AAK1: variants seen among roughly 807,000 people sequenced by gnomAD.
AAK1 encodes the protein AP2 associated kinase 1.
Under a neutral mutation model 116.0 loss-of-function variants are expected in AAK1, and 37 were observed. The ratio of observed to expected loss-of-function variants is 0.32; its 90% confidence interval spans 0.25 to 0.42. The LOEUF is 0.42. Ranked by LOEUF, AAK1 falls within the 10% of genes least tolerant of loss-of-function variation. The probability of loss-of-function intolerance (pLI) is 1.00; values close to 1 mark genes in which losing one functional copy is unlikely to be tolerated. For missense variants in AAK1, 919 were observed against 1,170.6 expected, an observed-to-expected ratio of 0.79 and a Z score of 3.14; for synonymous variants, 458 against 439.9, an observed-to-expected ratio of 1.04 and a Z score of -0.51.
chr2:69,584,578 C>G (rs558990824), intron 2 of AAK1, among the ~76,000 whole-genome samples: 14 of 152,272 alleles, frequency 9.2e-5, no homozygotes, highest in South Asian at 2.1e-4. Flanking sequence ...CCCAGTTGCA[C>G]TGGTTCTAAT....
At chr2:69,476,014 T>G in intron 21 of AAK1, 51 bp from the exon 22 acceptor site, 5 of 1,565,630 alleles carry the variant, frequency 3.2e-6, no homozygotes, top group Non-Finnish European at 4.3e-6. Context: ...GGTTAAGGTT[T>G]AGATGTGCAG....
chr2:69,603,479 G>T (rs913359319), intron 2 of AAK1, among the ~76,000 whole-genome samples: 1 of 151,930 alleles, frequency 6.6e-6, no homozygotes, highest in Non-Finnish European at 1.5e-5. Flanking sequence ...TCACACTATC[G>T]CCTCCCTTTC....
In AAK1 at chr2:69,467,743, G is replaced by C. The variant is rs374657406; in HGVS notation, c.*8126C>G. On this transcript the variant is annotated 3_prime_UTR_variant, in exon 22 of 22. Coordinates refer to ENST00000409085, the MANE Select transcript of AAK1 (RefSeq NM_014911.5). ...AAATTTCTGCCAAAAATTATCCCCT[G>C]CTAAAGTTTCTGCATGAATTAAGCA... The C allele has an allele frequency of 2.0e-6, 2 of 985,356 alleles. No homozygotes were observed. The highest frequency in any genetic ancestry group is 3.5e-5 in the African/African-American group (2 of 57,316). The allele number at this position is 985,356 out of a possible 1,614,324, so 61.0% of individuals were successfully genotyped here.
rs546540721 is a variant in AAK1 at position 69,473,127 on chromosome 2, C to A, written c.*2742G>T. The A allele has an allele frequency of 1.2e-6, 1 of 839,346 alleles. No homozygotes were observed. Among genetic ancestry groups the A allele is most frequent in the Non-Finnish European group, 1.4e-6 (1 of 696,972 alleles). The allele number at this position is 839,346 out of a possible 1,614,324, so 52.0% of individuals were successfully genotyped here. A position where few individuals can be genotyped will look rare whatever the true frequency, so the allele number is the denominator to read the frequency against. The stretch of plus-strand genomic sequence containing the variant: ...ATCGTATAACTCTAAGGAACAGCAA[C>A]TCTGAGAGGTGAAGTGCCTGCTGAA... On this transcript the variant is annotated 3_prime_UTR_variant, in exon 22 of 22. Coordinates refer to ENST00000409085, the MANE Select transcript of AAK1 (RefSeq NM_014911.5).
intron 16 of AAK1, 43 bp downstream of exon 16, chr2:69,505,526 T>A (rs1676151020): frequency 6.5e-7 from 1 of 1,539,886 alleles, no homozygotes; most frequent in African/African-American, 1.4e-5. Flanking sequence ...AGTGTGAAGG[T>A]AACAACAGTG....
intron 2 of AAK1, among the ~76,000 whole-genome samples, chr2:69,632,926 G>A (rs1027694536): frequency 6.6e-6 from 1 of 151,430 alleles, no homozygotes; most frequent in Admixed American, 6.6e-5. Flanking sequence ...CCAGCTACTC[G>A]GGAGGCTGAG....
In AAK1 at chr2:69,459,290, GT is replaced by G. The variant is rs1316107915; in HGVS notation, c.*16578del. The G allele has an allele frequency of 2.6e-5, 4 of 152,152 alleles. No individual in the cohort carries two copies. Among genetic ancestry groups the G allele is most frequent in the Admixed American group, 6.6e-5 (1 of 15,258 alleles). 9.4% of individuals were successfully genotyped at this position (152,152 alleles called of 1,614,324 possible). A position where few individuals can be genotyped will look rare whatever the true frequency, so the allele number is the denominator to read the frequency against. On this transcript the variant is annotated 3_prime_UTR_variant, in exon 22 of 22. Coordinates refer to ENST00000409085, the MANE Select transcript of AAK1 (RefSeq NM_014911.5). ...GTTTGTTTTGTTTTTTTGAGACAGG[GT>G]CTGGCTCTATTGCCTGGGCTGGAGT... is the stretch of plus-strand genomic sequence containing the variant.
At position 69,490,891 on chromosome 2, in the gene AAK1, A is replaced by G. The variant is rs577193332; in HGVS notation, c.2365+5094T>C. On this transcript the variant is annotated intron_variant, in intron 17 of 21. Transcript: ENST00000409085. ...CCCCAGTTTTCAGAGAAAATTCCTCAATCTTTCTAAAATATATCTATGTGT... is the reference window on the plus strand; with the variant it reads ...CCCCAGTTTTCAGAGAAAATTCCTCGATCTTTCTAAAATATATCTATGTGT... Among the ~76,000 whole-genome samples, 3 of 151,594 alleles carry G rather than the reference A, an allele frequency of 2.0e-5. No homozygotes were observed. In the East Asian group the frequency reaches 5.9e-4, roughly 30 times the overall value.
chr2:69,567,322 T>C (rs1041893959), intron 2 of AAK1, among the ~76,000 whole-genome samples: 1 of 152,172 alleles, frequency 6.6e-6, no homozygotes, highest in Admixed American at 6.5e-5. Context: ...TTAAGTTCTT[T>C]GGTATACACA....
At chr2:69,606,100 T>C (rs557899565) in intron 2 of AAK1, among the ~76,000 whole-genome samples, 1 of 152,310 alleles carries the variant, frequency 6.6e-6, no homozygotes, top group African/African-American at 2.4e-5. Context: ...CTTCTCTCCC[T>C]GCTTGTTCAC....
intron 9 of AAK1, among the ~76,000 whole-genome samples, chr2:69,525,723 C>A (rs1394532300): frequency 1.3e-5 from 2 of 152,160 alleles, no homozygotes; most frequent in African/African-American, 4.8e-5. Flanking sequence ...GAGGGAGCAC[C>A]AACTAGCTGT....
intron 11 of AAK1, among the ~76,000 whole-genome samples, chr2:69,519,457 A>G (rs1669659329): frequency 6.6e-6 from 1 of 152,208 alleles, no homozygotes; most frequent in Non-Finnish European, 1.5e-5. Flanking sequence ...ACAAGGTTCA[A>G]TATTGCCTCC....
rs1177904394 is a variant in AAK1 at position 69,474,554 on chromosome 2, G to A, written c.*1315C>T. 2 of 984,778 alleles carry A rather than the reference G, an allele frequency of 2.0e-6. No homozygotes were observed. Among genetic ancestry groups the A allele is most frequent in the African/African-American group, 1.8e-5 (1 of 57,050 alleles). 61.0% of individuals were successfully genotyped at this position (984,778 alleles called of 1,614,324 possible). On this transcript the variant is annotated 3_prime_UTR_variant, in exon 22 of 22. Coordinates refer to ENST00000409085, the MANE Select transcript of AAK1 (RefSeq NM_014911.5). ...GCTTTATTATTTTTTTTTAATCTAGGAAGCCAAGGAAAACCAGCTGAACAT... is the reference window on the plus strand; with the variant it reads ...GCTTTATTATTTTTTTTTAATCTAGAAAGCCAAGGAAAACCAGCTGAACAT...
intron 9 of AAK1, among the ~76,000 whole-genome samples, chr2:69,526,559 C>A (rs1188297741): frequency 5.3e-5 from 8 of 152,166 alleles, no homozygotes; most frequent in African/African-American, 1.4e-4. Flanking sequence ...CCATCCTCCT[C>A]GGCCTCCCAA....
chr2:69,549,910 C>G (rs563507685), intron 3 of AAK1, among the ~76,000 whole-genome samples: 73 of 152,320 alleles, frequency 4.8e-4, no homozygotes, highest in African/African-American at 1.7e-3. Context: ...CATCTTCCAA[C>G]TTTATAAAGG....
chr2:69,467,033 G>A lies in AAK1; in HGVS notation c.*8836C>T, dbSNP rs1034899390. 3.3e-5 allele frequency: 33 copies of A among 985,442 alleles called. No individual in the cohort carries two copies. The African/African-American group carries it at 5.8e-4, about 17-fold the overall frequency. 61.0% of individuals were successfully genotyped at this position (985,442 alleles called of 1,614,324 possible). A position where few individuals can be genotyped will look rare whatever the true frequency, so the allele number is the denominator to read the frequency against. On this transcript the variant is annotated 3_prime_UTR_variant, in exon 22 of 22. Transcript: ENST00000409085. ...GGGACAAACTCTCTGAAAAGAAGCA[G>A]AATGTGGCTGCTTGATAAATGCAAG...
chr2:69,596,551 G>GA (rs1208535154), intron 2 of AAK1, among the ~76,000 whole-genome samples: 1 of 152,166 alleles, frequency 6.6e-6, no homozygotes, highest in Admixed American at 6.5e-5. Context: ...TATTATTTAA[G>GA]AAATACATTT....
chr2:69,640,161 T>C (rs1361384766), intron 2 of AAK1, among the ~76,000 whole-genome samples: 1 of 151,288 alleles, frequency 6.6e-6, no homozygotes, highest in Middle Eastern at 3.2e-3. Flanking sequence ...AAAATGTTAA[T>C]TATATATATT....
chr2:69,621,781 G>A (rs1674640386), intron 2 of AAK1, among the ~76,000 whole-genome samples: 1 of 152,186 alleles, frequency 6.6e-6, no homozygotes, highest in African/African-American at 2.4e-5. Flanking sequence ...ACACTGCTCA[G>A]TGGGTGCCAC....
Sources: allele counts gnomAD v4.1 joint callset (sites outside exome capture counted in the v4.1 genomes callset), GRCh38; gene constraint gnomAD v4.1.1; transcripts MANE v1.5; gene names NCBI Gene and HGNC (gene_info 2026-07-23, HGNC 2026-07-21).